The following LYRM7 variants were observed in gnomAD, a reference collection of about 807,000 sequenced individuals.
The protein encoded by LYRM7 is LYR motif containing 7, also known as complex III assembly factor LYRM7.
Under a neutral mutation model 15.8 loss-of-function variants are expected in LYRM7, and 9 were observed. That is an observed-to-expected ratio of 0.57 (90% CI 0.34 to 0.99). The LOEUF (loss-of-function observed/expected upper bound fraction) is 0.99, where lower values mean the gene tolerates loss of function less well. Ranked by LOEUF, LYRM7 falls within the 50% of genes least tolerant of loss-of-function variation. The pLI is 0.02. For synonymous variants in LYRM7, 39 were observed against 39.4 expected (o/e 0.99, Z 0.04); for missense variants, 115 against 119.1 (o/e 0.97, Z 0.16).
Position 131,189,978 on chromosome 5 carries a change from C to T in LYRM7, c.244+2869C>T, listed in dbSNP as rs555953080. On this transcript the variant is annotated intron_variant, in intron 4 of 4. Transcript: ENST00000379380. ...TAAAACCCTGTCTCTACCAGAAATA[C>T]GAAAAATTCACCAGGCATGGTAATG... is the stretch of plus-strand genomic sequence containing the variant. Among the ~76,000 whole-genome samples, 17 of 151,522 alleles carry T rather than the reference C, an allele frequency of 1.1e-4. No individual in the cohort carries two copies. In the East Asian group the frequency reaches 2.9e-3, roughly 26 times the overall value.
chr5:131,193,727 G>T (rs1203485885), intron 4 of LYRM7, among the ~76,000 whole-genome samples: 1 of 151,944 alleles, frequency 6.6e-6, no homozygotes, highest in African/African-American at 2.4e-5. Flanking sequence ...TTGCTTTTTG[G>T]CCGGGTGCGG....
intron 2 of LYRM7, among the ~76,000 whole-genome samples, chr5:131,181,275 GAAAAAAAAAA>G (rs1195878324): frequency 1.1e-3 from 9 of 8,342 alleles, no homozygotes; most frequent in African/African-American, 2.4e-3. Flanking sequence ...GACTCCATCT[GAAAAAAAAAA>G]AAAAAAAAAA....
At chr5:131,186,626 A>C (rs1429092064) in intron 3 of LYRM7, among the ~76,000 whole-genome samples, 1 of 152,216 alleles carries the variant, frequency 6.6e-6, no homozygotes, top group Non-Finnish European at 1.5e-5. Flanking sequence ...AGCCATTATT[A>C]AGTAAAATAA....
chr5:131,200,261 G>T lies in LYRM7; in HGVS notation c.*660G>T, dbSNP rs1026396034. ...AATAAAGAAATCCTAGTTTAAAGAGGAAATAGTGGCCCTTGATCAAACTAT... is the reference window on the plus strand; with the variant it reads ...AATAAAGAAATCCTAGTTTAAAGAGTAAATAGTGGCCCTTGATCAAACTAT... On this transcript the variant is annotated 3_prime_UTR_variant, in exon 5 of 5. Transcript: ENST00000379380. 1.3e-5 allele frequency: 2 copies of T among 152,304 alleles called. No individual in the cohort carries two copies. The highest frequency in any genetic ancestry group is 2.4e-5 in the African/African-American group (1 of 41,434). 9.4% of individuals were successfully genotyped at this position (152,304 alleles called of 1,614,324 possible).
rs1231835808 is a variant in LYRM7 at position 131,204,673 on chromosome 5, A to G, written c.*5072A>G. 6.6e-6 allele frequency: 1 copy of G among 150,828 alleles called. No individual in the cohort carries two copies. Among genetic ancestry groups the G allele is most frequent in the Non-Finnish European group, 1.5e-5 (1 of 67,872 alleles). 9.3% of individuals were successfully genotyped at this position (150,828 alleles called of 1,614,324 possible). A position where few individuals can be genotyped will look rare whatever the true frequency, so the allele number is the denominator to read the frequency against. On this transcript the variant is annotated 3_prime_UTR_variant, in exon 5 of 5. Transcript: ENST00000379380. ...AAGTATATAATGCAAATAATCCAAA[A>G]TACAAAAAAAAAAAAAAAGAAATCT...
intron 4 of LYRM7, among the ~76,000 whole-genome samples, chr5:131,190,002 T>C (rs1053754730): frequency 6.6e-6 from 1 of 151,762 alleles, no homozygotes; most frequent in Non-Finnish European, 1.5e-5. Context: ...GGCATGGTAA[T>C]GTGCACCCAT....
chr5:131,197,160 A>G (rs1755978999), intron 4 of LYRM7, among the ~76,000 whole-genome samples: 1 of 152,154 alleles, frequency 6.6e-6, no homozygotes, highest in South Asian at 2.1e-4. Context: ...TTATCTAGCT[A>G]TCTTTTCCAT....
At chr5:131,173,419 T>A (rs866021018) in intron 1 of LYRM7, among the ~76,000 whole-genome samples, 3 of 152,222 alleles carry the variant, frequency 2.0e-5, no homozygotes, top group South Asian at 2.1e-4. Context: ...TAATGTAGTC[T>A]ATTAAGTGTG....
At chr5:131,179,537 G>T (rs1293223823) in intron 1 of LYRM7, among the ~76,000 whole-genome samples, 2 of 137,036 alleles carry the variant, frequency 1.5e-5, no homozygotes, top group African/African-American at 5.4e-5. Context: ...AGTGCAGTCA[G>T]AGCTCATTGT....
intron 4 of LYRM7, among the ~76,000 whole-genome samples, chr5:131,198,533 A>C (rs1756007284): frequency 6.6e-6 from 1 of 152,158 alleles, no homozygotes; most frequent in Non-Finnish European, 1.5e-5. Context: ...TGGAGAAAAG[A>C]AGAAGAAATC....
intron 4 of LYRM7, among the ~76,000 whole-genome samples, chr5:131,187,451 T>C (rs907641875): frequency 6.6e-6 from 1 of 151,838 alleles, no homozygotes; most frequent in Non-Finnish European, 1.5e-5. Flanking sequence ...TTTTACTCTA[T>C]AATGAGTTTT....
rs528384075 is a variant in LYRM7, at chr5:131,202,070, T to C, written c.*2469T>C. Reference sequence around the variant, plus strand: ...GCTGGTCTCAAATTCCTGAGCTCAGTTGATCCTCCCACCTCAGCCTCCCAA... The same window carrying C: ...GCTGGTCTCAAATTCCTGAGCTCAGCTGATCCTCCCACCTCAGCCTCCCAA... On this transcript the variant is annotated 3_prime_UTR_variant, in exon 5 of 5. Coordinates refer to ENST00000379380, the MANE Select transcript of LYRM7 (RefSeq NM_181705.4). 3 of 152,080 alleles carry C rather than the reference T, an allele frequency of 2.0e-5. No homozygotes were observed. The highest frequency in any genetic ancestry group is 1.9e-4 in the East Asian group (1 of 5,136). 9.4% of individuals were successfully genotyped at this position (152,080 alleles called of 1,614,324 possible).
chr5:131,196,526 A>G (rs1755968033), intron 4 of LYRM7, among the ~76,000 whole-genome samples: 2 of 152,018 alleles, frequency 1.3e-5, no homozygotes, highest in East Asian at 1.9e-4. Context: ...TCTTCTTCCC[A>G]TCTGGAGTGC....
chr5:131,186,701 A>G (rs1266408106), intron 3 of LYRM7, among the ~76,000 whole-genome samples: 1 of 152,212 alleles, frequency 6.6e-6, no homozygotes, highest in East Asian at 1.9e-4. Context: ...GATGGCTACT[A>G]AGTGACCACA....
intron 3 of LYRM7, among the ~76,000 whole-genome samples, chr5:131,184,643 G>C (rs866879836): frequency 2.2e-3 from 301 of 138,024 alleles, no homozygotes; most frequent in African/African-American, 8.4e-3. Flanking sequence ...TTTTTGGCGG[G>C]GGGGGGGTTC....
In LYRM7 at chr5:131,202,722, A is replaced by T. The variant is rs1316388654; in HGVS notation, c.*3121A>T. On this transcript the variant is annotated 3_prime_UTR_variant, in exon 5 of 5. Coordinates refer to ENST00000379380, the MANE Select transcript of LYRM7 (RefSeq NM_181705.4). ...TGGTTATTTTTTTTAAGTTTTCTGT[A>T]TTCACACAAGGGGTTGCCCAAATAT... 6.6e-6 allele frequency: 1 copy of T among 152,292 alleles called. No individual in the cohort carries two copies. Among genetic ancestry groups the T allele is most frequent in the Admixed American group, 6.5e-5 (1 of 15,274 alleles). The allele number at this position is 152,292 out of a possible 1,614,324, so 9.4% of individuals were successfully genotyped here.
intron 1 of LYRM7, among the ~76,000 whole-genome samples, chr5:131,178,189 A>C (rs1561543224): frequency 6.6e-6 from 1 of 152,186 alleles, no homozygotes; most frequent in African/African-American, 2.4e-5. Context: ...AACACTTAAA[A>C]TGGTGTCTAG....
intron 1 of LYRM7, among the ~76,000 whole-genome samples, chr5:131,172,612 C>G (rs1027964140): frequency 3.9e-5 from 6 of 151,960 alleles, no homozygotes; most frequent in African/African-American, 1.5e-4. Context: ...TTTGGTAGAG[C>G]CTACAATATA....
chr5:131,172,496 A>G (rs1391431669), intron 1 of LYRM7, among the ~76,000 whole-genome samples: 1 of 152,236 alleles, frequency 6.6e-6, no homozygotes, highest in Non-Finnish European at 1.5e-5. Flanking sequence ...AAGAGAAAAA[A>G]GCATTCTAGA....
Sources: gnomAD v4.1 joint callset for allele counts (sites outside exome capture counted in the v4.1 genomes callset) on GRCh38, gnomAD v4.1.1 for gene constraint, MANE v1.5 for transcripts, NCBI Gene and HGNC (gene_info 2026-07-23, HGNC 2026-07-21) for gene names.